The following NTRK2 variants were observed in gnomAD, a reference collection of about 807,000 sequenced individuals.
NTRK2 encodes BDNF/NT-3 growth factors receptor.
A neutral mutation model predicts 94.5 loss-of-function variants in NTRK2; 13 were observed. The observed-to-expected ratio is 0.14, with a 90% CI of 0.09 to 0.22. NTRK2 has a LOEUF of 0.22. Among genes scored for constraint, NTRK2 ranks in the 10% least tolerant of loss-of-function variants. NTRK2 has a pLI of 1.00. For synonymous variants in NTRK2, 372 were observed against 407.4 expected, an observed-to-expected ratio of 0.91 and a Z score of 1.05; for missense variants, 639 against 1,071.2, an observed-to-expected ratio of 0.60 and a Z score of 5.63.
chr9:84,959,927 A>G (rs532689630), intron 17 of NTRK2, among the ~76,000 whole-genome samples: 5 of 152,252 alleles, frequency 3.3e-5, no homozygotes, highest in African/African-American at 7.2e-5. Flanking sequence ...CTTAAAATGT[A>G]TGTGATCTGT....
chr9:85,012,236 C>T (rs974568182), intron 17 of NTRK2, among the ~76,000 whole-genome samples: 5 of 152,168 alleles, frequency 3.3e-5, no homozygotes, highest in South Asian at 2.1e-4. Context: ...ACCCTCCTGC[C>T]TTTGCCTCCC....
Position 84,867,235 on chromosome 9 carries a change from A to G in NTRK2, c.1445-8A>G, listed in dbSNP as rs2132056083. 2 of 1,613,794 alleles carry G rather than the reference A, an allele frequency of 1.2e-6. No individual in the cohort carries two copies. The highest frequency in any genetic ancestry group is 1.7e-6 in the Non-Finnish European group (2 of 1,179,754). ...TACAGGAGAATATATATATTTTTCCATCTCCAGGCCCAGCCTCCGTTATCA... is the reference window on the plus strand; with the variant it reads ...TACAGGAGAATATATATATTTTTCCGTCTCCAGGCCCAGCCTCCGTTATCA... On this transcript the variant is annotated splice_polypyrimidine_tract_variant and splice_region_variant and intron_variant, in intron 13 of 18. Coordinates refer to ENST00000277120, the MANE Select transcript of NTRK2 (RefSeq NM_006180.6).
chr9:84,967,406 G>A (rs775280991), intron 17 of NTRK2, among the ~76,000 whole-genome samples: 4 of 152,260 alleles, frequency 2.6e-5, no homozygotes, highest in East Asian at 1.9e-4. Flanking sequence ...GGAAATGCAA[G>A]AAAAGGCTTG....
intron 17 of NTRK2, among the ~76,000 whole-genome samples, chr9:85,009,520 AG>A (rs1170247011): frequency 6.6e-6 from 1 of 152,196 alleles, no homozygotes; most frequent in Non-Finnish European, 1.5e-5. Context: ...TGCTGCTTGT[AG>A]CATGTGCACT....
chr9:84,943,063 A>G (rs1444786458), intron 15 of NTRK2, among the ~76,000 whole-genome samples: 3 of 152,226 alleles, frequency 2.0e-5, no homozygotes, highest in Non-Finnish European at 4.4e-5. Flanking sequence ...AGGTCTTACC[A>G]TAATAATCTC....
chr9:84,990,018 T>C (rs1828852572), intron 17 of NTRK2, among the ~76,000 whole-genome samples: 1 of 151,854 alleles, frequency 6.6e-6, no homozygotes, highest in Admixed American at 6.5e-5. Context: ...CTGGGGGTTT[T>C]TTGCCTTTCA....
chr9:84,811,186 A>G, intron 12 of NTRK2: 1 of 1,062,672 alleles, frequency 9.4e-7, no homozygotes, highest in Non-Finnish European at 1.1e-6. Flanking sequence ...TTAAAAGGTT[A>G]TTTCCTTCAC....
chr9:84,766,091 A>T (rs544109387), intron 12 of NTRK2, among the ~76,000 whole-genome samples: 1 of 152,214 alleles, frequency 6.6e-6, no homozygotes, highest in East Asian at 1.9e-4. Context: ...AATATAGAGA[A>T]ATCTACAGGT....
intron 12 of NTRK2, among the ~76,000 whole-genome samples, chr9:84,797,701 A>G (rs1273507343): frequency 1.2e-5 from 1 of 83,680 alleles, no homozygotes; most frequent in Non-Finnish European, 2.1e-5. Context: ...TATATATTAT[A>G]TATACTATAA....
intron 12 of NTRK2, among the ~76,000 whole-genome samples, chr9:84,797,942 A>T (rs572978962): frequency 7.9e-5 from 11 of 140,042 alleles, no homozygotes; most frequent in Non-Finnish European, 1.5e-4. Flanking sequence ...TTAGTAAAAT[A>T]TATAAAGTAA....
intron 17 of NTRK2, among the ~76,000 whole-genome samples, chr9:85,013,613 TAATA>T (rs1006591230): frequency 6.6e-6 from 1 of 152,146 alleles, no homozygotes; most frequent in South Asian, 2.1e-4. Context: ...ATATAACATG[TAATA>T]AATAAATAAA....
At position 84,825,873 on chromosome 9, in the gene NTRK2, A is replaced by G. The variant is rs529744093; in HGVS notation, c.1397-35167A>G. ...CTGTCAAAGGTGCTACTGGGCTTTC[A>G]AAGAAACAGATGAAAAAGATGTGAT... is the stretch of plus-strand genomic sequence containing the variant. On this transcript the variant is annotated intron_variant, in intron 12 of 18. Coordinates refer to ENST00000277120, the MANE Select transcript of NTRK2 (RefSeq NM_006180.6). Among the ~76,000 whole-genome samples the G allele has an allele frequency of 7.9e-5, 12 of 152,340 alleles. No individual in the cohort carries two copies. The South Asian group carries it at 2.5e-3, about 32-fold the overall frequency.
intron 17 of NTRK2, among the ~76,000 whole-genome samples, chr9:84,972,220 G>C (rs1168876046): frequency 6.6e-6 from 1 of 152,184 alleles, no homozygotes; most frequent in Non-Finnish European, 1.5e-5. Flanking sequence ...CTAGAGGCCA[G>C]AACTGTGTCT....
At chr9:84,904,535 A>G (rs1024550182) in intron 14 of NTRK2, among the ~76,000 whole-genome samples, 3 of 152,230 alleles carry the variant, frequency 2.0e-5, no homozygotes, top group Non-Finnish European at 4.4e-5. Context: ...TAAAAAGGGA[A>G]TCTCAAATTT....
intron 13 of NTRK2, among the ~76,000 whole-genome samples, chr9:84,863,951 T>A (rs764915424): frequency 1.3e-5 from 2 of 152,152 alleles, no homozygotes; most frequent in Non-Finnish European, 2.9e-5. Context: ...TCTGTTACAT[T>A]GGAGTTGGGG....
At position 85,009,331 on chromosome 9, in the gene NTRK2, C is replaced by G. The variant is rs377266451; in HGVS notation, c.2173-10875C>G. ...GCTCCAGGCACAGTCCCAGTTAATC[C>G]CCAGTCCCTCAACTGTTTACTTCTT... On this transcript the variant is annotated intron_variant, in intron 17 of 18. Coordinates refer to ENST00000277120, the MANE Select transcript of NTRK2 (RefSeq NM_006180.6). Among the ~76,000 whole-genome samples, 17 of 152,310 alleles carry G rather than the reference C, an allele frequency of 1.1e-4. No individual in the cohort carries two copies. The South Asian group carries it at 3.1e-3, about 28-fold the overall frequency.
intron 12 of NTRK2, among the ~76,000 whole-genome samples, chr9:84,825,289 C>G (rs1212776943): frequency 1.3e-5 from 2 of 152,138 alleles, no homozygotes; most frequent in Non-Finnish European, 2.9e-5. Context: ...ACCCCCTGAG[C>G]CCCACATTAT....
intron 5 of NTRK2, among the ~76,000 whole-genome samples, chr9:84,710,373 A>G (rs2061354882): frequency 6.6e-6 from 1 of 152,024 alleles, no homozygotes; most frequent in African/African-American, 2.4e-5. Flanking sequence ...TCTATCCTAT[A>G]TTTTGGCTAT....
chr9:84,761,623 A>G (rs943568429), intron 12 of NTRK2, among the ~76,000 whole-genome samples: 2 of 152,266 alleles, frequency 1.3e-5, no homozygotes, highest in Admixed American at 1.3e-4. Flanking sequence ...CTTTATTATT[A>G]TGGTGTGTAA....
Sources: gnomAD v4.1 joint callset for allele counts (sites outside exome capture counted in the v4.1 genomes callset) on GRCh38, gnomAD v4.1.1 for gene constraint, MANE v1.5 for transcripts, NCBI Gene and HGNC (gene_info 2026-07-23, HGNC 2026-07-21) for gene names.